The following NDUFAF2 variants were observed in gnomAD, a reference collection of about 807,000 sequenced individuals.
NDUFAF2 encodes NADH dehydrogenase [ubiquinone] 1 alpha subcomplex assembly factor 2.
A neutral mutation model predicts 22.8 loss-of-function variants in NDUFAF2; 13 were observed. The ratio of observed to expected loss-of-function variants is 0.57; its 90% CI spans 0.37 to 0.91. The LOEUF is 0.91. Ranked by LOEUF, NDUFAF2 falls within the 40% of genes least tolerant of loss-of-function variation. The pLI is 0.01. For missense variants in NDUFAF2, 162 were observed against 195.2 expected (o/e 0.83, Z 1.01); for synonymous variants, 53 against 64.2 (o/e 0.83, Z 0.84).
intron 1 of NDUFAF2, among the ~76,000 whole-genome samples, chr5:61,023,039 C>G (rs540863688): frequency 6.6e-6 from 1 of 152,032 alleles, no homozygotes; most frequent in Non-Finnish European, 1.5e-5. Context: ...TTCCTAGACC[C>G]GGGAAGGGAT....
intron 2 of NDUFAF2, among the ~76,000 whole-genome samples, chr5:61,095,024 C>G (rs1007477722): frequency 6.6e-6 from 1 of 151,608 alleles, no homozygotes; most frequent in Non-Finnish European, 1.5e-5. Flanking sequence ...CGCTTCCACC[C>G]CTGGTCAACT....
chr5:61,139,294 C>T (rs1741015324), intron 3 of NDUFAF2, among the ~76,000 whole-genome samples: 1 of 152,134 alleles, frequency 6.6e-6, no homozygotes, highest in African/African-American at 2.4e-5. Context: ...TGCTCAATGC[C>T]ACCACCTAGC....
At chr5:61,135,186 TA>T (rs1382308010) in intron 3 of NDUFAF2, among the ~76,000 whole-genome samples, 1 of 151,586 alleles carries the variant, frequency 6.6e-6, no homozygotes, top group African/African-American at 2.4e-5. Context: ...TGGAAAGACC[TA>T]ACAGCAATGA....
intron 3 of NDUFAF2, among the ~76,000 whole-genome samples, chr5:61,103,896 G>A (rs12652302): frequency 1.3e-5 from 2 of 151,988 alleles, no homozygotes; most frequent in East Asian, 3.9e-4. Flanking sequence ...TACCCATACA[G>A]CCATTCTGTT....
At chr5:61,076,084 T>C (rs1020817494) in intron 2 of NDUFAF2, among the ~76,000 whole-genome samples, 1 of 152,054 alleles carries the variant, frequency 6.6e-6, no homozygotes, top group African/African-American at 2.4e-5. Flanking sequence ...TTTTTGTTTG[T>C]TTTTTAAGAT....
chr5:61,087,278 C>T (rs1408444979), intron 2 of NDUFAF2, among the ~76,000 whole-genome samples: 4 of 152,154 alleles, frequency 2.6e-5, no homozygotes. Context: ...GCTGATTATA[C>T]TGGCATCTTG....
At chr5:60,954,047 T>C (rs1378173071) in intron 1 of NDUFAF2, among the ~76,000 whole-genome samples, 4 of 152,146 alleles carry the variant, frequency 2.6e-5, no homozygotes, top group Non-Finnish European at 5.9e-5. Context: ...ATTGTTTTAC[T>C]GGAAGATTGT....
chr5:60,954,421 C>T (rs1219115065), intron 1 of NDUFAF2, among the ~76,000 whole-genome samples: 1 of 150,570 alleles, frequency 6.6e-6, no homozygotes, highest in Non-Finnish European at 1.5e-5. Flanking sequence ...ATTGTTGTGT[C>T]CTAAATCACA....
chr5:61,101,872 G>A (rs1752708951), intron 3 of NDUFAF2, among the ~76,000 whole-genome samples: 2 of 152,104 alleles, frequency 1.3e-5, no homozygotes, highest in Non-Finnish European at 2.9e-5. Context: ...GGATTGGAAT[G>A]TACAATATTG....
intron 3 of NDUFAF2, among the ~76,000 whole-genome samples, chr5:61,109,275 G>A (rs1009282363): frequency 6.6e-6 from 1 of 152,118 alleles, no homozygotes; most frequent in Non-Finnish European, 1.5e-5. Flanking sequence ...ATATAGAAAT[G>A]CTATTGATTT....
chr5:61,044,172 A>C (rs60364284), intron 1 of NDUFAF2, among the ~76,000 whole-genome samples: 4,134 of 151,852 alleles, frequency 0.027, 199 homozygotes, highest in African/African-American at 0.095. Flanking sequence ...ATGACTATTT[A>C]GGTCCTTTGC....
At chr5:60,994,533 G>A (rs1203400606) in intron 1 of NDUFAF2, among the ~76,000 whole-genome samples, 1 of 152,206 alleles carries the variant, frequency 6.6e-6, no homozygotes, top group Non-Finnish European at 1.5e-5. Context: ...ACTGGGTGAT[G>A]GCAGCAACCA....
At position 61,078,390 on chromosome 5, in the gene NDUFAF2, A is replaced by C. The variant is rs182578679; in HGVS notation, c.217+5176A>C. ...GGGAGTCTGCTGGCTTGCTGAAAAT[A>C]GTCTGTTTTAAGAAGAAAGACATGG... On this transcript the variant is annotated intron_variant, in intron 2 of 3. Transcript: ENST00000296597. Among the ~76,000 whole-genome samples, 63 of 152,336 alleles carry C rather than the reference A, an allele frequency of 4.1e-4. No homozygotes were observed. In the South Asian group the frequency reaches 5.0e-3, roughly 12 times the overall value.
intron 3 of NDUFAF2, among the ~76,000 whole-genome samples, chr5:61,117,425 A>G (rs1752924907): frequency 6.6e-6 from 1 of 152,158 alleles, no homozygotes; most frequent in Non-Finnish European, 1.5e-5. Flanking sequence ...GCACTGTCAT[A>G]GCTTACTGCA....
intron 1 of NDUFAF2, among the ~76,000 whole-genome samples, chr5:61,045,378 T>C (rs946808061): frequency 1.3e-5 from 2 of 150,888 alleles, no homozygotes; most frequent in African/African-American, 4.8e-5. Context: ...AAAATTTCTT[T>C]TATAGTCTTC....
At chr5:61,088,306 C>T (rs1432701492) in intron 2 of NDUFAF2, among the ~76,000 whole-genome samples, 1 of 151,950 alleles carries the variant, frequency 6.6e-6, no homozygotes, top group Non-Finnish European at 1.5e-5. Flanking sequence ...TCACCTTTGC[C>T]GTGTTCTTAT....
In NDUFAF2 at chr5:60,986,173, A is replaced by G. The variant is rs147961284; in HGVS notation, c.127+40791A>G. 7.4e-3 allele frequency among the ~76,000 whole-genome samples: 1,128 copies of G among 152,324 alleles called. 9 individuals carry two copies. The highest frequency in any genetic ancestry group is 0.025 in the African/African-American group (1,038 of 41,570). Reference sequence around the variant, plus strand: ...TACCCAAAAGGAAGGAAATCAGTATATCAAAGAGATGTCTACACTCTTGTG... The same window carrying G: ...TACCCAAAAGGAAGGAAATCAGTATGTCAAAGAGATGTCTACACTCTTGTG... On this transcript the variant is annotated intron_variant, in intron 1 of 3. Coordinates refer to ENST00000296597, the MANE Select transcript of NDUFAF2 (RefSeq NM_174889.5).
chr5:61,049,473 A>G (rs1751995658), intron 1 of NDUFAF2, among the ~76,000 whole-genome samples: 1 of 152,148 alleles, frequency 6.6e-6, no homozygotes, highest in Non-Finnish European at 1.5e-5. Context: ...AAAATTTACT[A>G]TCTTAATCAT....
At chr5:61,111,963 T>C (rs1320943092) in intron 3 of NDUFAF2, among the ~76,000 whole-genome samples, 1 of 152,080 alleles carries the variant, frequency 6.6e-6, no homozygotes, top group East Asian at 1.9e-4. Flanking sequence ...TTCTGCATGT[T>C]GCCCAGGCTG....
Sources: allele counts gnomAD v4.1 joint callset (sites outside exome capture counted in the v4.1 genomes callset), GRCh38; gene constraint gnomAD v4.1.1; transcripts MANE v1.5; gene names NCBI Gene and HGNC (gene_info 2026-07-23, HGNC 2026-07-21).